Variants in MYH13 observed in about 807,000 individuals in gnomAD.
The protein encoded by MYH13 is myosin-13.
A neutral mutation model predicts 232.1 loss-of-function variants in MYH13; 177 were observed. That is an observed-to-expected ratio of 0.76 (90% CI 0.67 to 0.86). The LOEUF (loss-of-function observed/expected upper bound fraction) is 0.86. Ranked by LOEUF, MYH13 falls within the 40% of genes least tolerant of loss-of-function variation. The pLI, the probability that MYH13 is intolerant of heterozygous loss-of-function variation, is 0.00. For synonymous variants in MYH13, 884 were observed against 923.5 expected, an observed-to-expected ratio of 0.96 and a Z score of 0.78; for missense variants, 2,246 against 2,405.9, an observed-to-expected ratio of 0.93 and a Z score of 1.39.
chr17:10,312,164 AC>A, intron 31 of MYH13, 88 bp from the exon 32 acceptor site: 1 of 1,450,314 alleles, frequency 6.9e-7, no homozygotes, highest in African/African-American at 1.4e-5. Flanking sequence ...AGTAACACCA[AC>A]GTTTTGCCCT....
chr17:10,305,510 G>A (rs1906247785), intron 37 of MYH13, among the ~76,000 whole-genome samples: 1 of 152,172 alleles, frequency 6.6e-6, no homozygotes, highest in Admixed American at 6.5e-5. Context: ...GATATCCTCG[G>A]GTGGTTTGCA....
chr17:10,308,114 CAGG>C (rs1264514856), intron 35 of MYH13, among the ~76,000 whole-genome samples: 1 of 152,040 alleles, frequency 6.6e-6, no homozygotes, highest in Non-Finnish European at 1.5e-5. Context: ...CACCTGAAGT[CAGG>C]AGATCGAGAC....
In MYH13 at chr17:10,321,693, C is replaced by T. The variant is rs777672525; in HGVS notation, c.2950G>A (p.Glu984Lys). Residue 984 changes from glutamate (E) to lysine (K), a missense_variant, in exon 24 of 41, where the codon GAA becomes AAA. Coordinates refer to ENST00000252172, the MANE Select transcript of MYH13 (RefSeq NM_003802.3). ...TTTTCTTCAAGTGCTGTCATTTCTT[C>T]GGAAAGATTCTTTACCTGGGACAAT... is the stretch of plus-strand genomic sequence containing the variant. ...ATENKVKNLSEEMTALEENIS... is the reference protein window; with the variant it reads ...ATENKVKNLSKEMTALEENIS... 5.0e-5 allele frequency: 80 copies of T among 1,612,354 alleles called. No homozygotes were observed. Among genetic ancestry groups the T allele is most frequent in the South Asian group, 1.2e-4 (11 of 90,802 alleles).
rs1480305172 is a variant in MYH13 at position 10,364,241 on chromosome 17, A to C, written c.204+86T>G. 6.6e-6 allele frequency: 9 copies of C among 1,369,138 alleles called. No individual in the cohort carries two copies. The East Asian group carries it at 2.2e-4, about 33-fold the overall frequency. The allele number at this position is 1,369,138 out of a possible 1,614,324, so 84.8% of individuals were successfully genotyped here. A position where few individuals can be genotyped will look rare whatever the true frequency, so the allele number is the denominator to read the frequency against. ...GTTTTGTTCTGTCTTCAGATTCCGAAGGACCAGCATGCAATTTCTAATATT... is the reference window on the plus strand; with the variant it reads ...GTTTTGTTCTGTCTTCAGATTCCGACGGACCAGCATGCAATTTCTAATATT... On this transcript the variant is annotated intron_variant, in intron 3 of 40. Transcript: ENST00000252172.
intron 11 of MYH13, among the ~76,000 whole-genome samples, chr17:10,351,146 G>T (rs2071707394): frequency 1.3e-5 from 2 of 148,464 alleles, no homozygotes; most frequent in African/African-American, 4.9e-5. Flanking sequence ...ACTTGAACCT[G>T]GGAGGCGGAG....
intron 21 of MYH13, among the ~76,000 whole-genome samples, chr17:10,328,736 G>GGC (rs1907309997): frequency 1.4e-5 from 2 of 147,606 alleles, no homozygotes; most frequent in Non-Finnish European, 3.0e-5. Context: ...AGAGTGCAAT[G>GGC]GTGCAATCTC....
intron 5 of MYH13, among the ~76,000 whole-genome samples, chr17:10,361,322 G>A (rs577936713): frequency 7.1e-5 from 9 of 126,124 alleles, no homozygotes; most frequent in Admixed American, 4.2e-4. Context: ...ACGGAGTTTT[G>A]CTCTTTTTGC....
At chr17:10,344,547 G>A (rs117021162) in intron 15 of MYH13, among the ~76,000 whole-genome samples, 2,336 of 152,124 alleles carry the variant, frequency 0.015, 27 homozygotes, top group South Asian at 0.026. Context: ...GCCGGGCGTG[G>A]TGGTTCACGT....
chr17:10,331,288 C>T (rs1366162942), intron 20 of MYH13, among the ~76,000 whole-genome samples: 1 of 152,164 alleles, frequency 6.6e-6, no homozygotes, highest in African/African-American at 2.4e-5. Flanking sequence ...GGAAACTAAG[C>T]ACCCTCTGGG....
chr17:10,360,650 G>C lies in MYH13; in HGVS notation c.506-462C>G, dbSNP rs142712390. Reference sequence around the variant, plus strand: ...GGTTTTTCATTTACAATAGAGCATGGATTGAACTGTGTCCTCCTAAAATTC... The same window carrying C: ...GGTTTTTCATTTACAATAGAGCATGCATTGAACTGTGTCCTCCTAAAATTC... On this transcript the variant is annotated intron_variant, in intron 5 of 40. Coordinates refer to ENST00000252172, the MANE Select transcript of MYH13 (RefSeq NM_003802.3). Among the ~76,000 whole-genome samples the C allele has an allele frequency of 5.4e-3, 820 of 152,262 alleles. 6 individuals are homozygous for C. The highest frequency in any genetic ancestry group is 0.017 in the Middle Eastern group (5 of 292).
chr17:10,343,923 T>G lies in MYH13; in HGVS notation c.1771A>C (p.Asn591His), dbSNP rs2142258310. Residue 591 changes from asparagine (N) to histidine (H), a missense_variant, in exon 16 of 41, where the codon AAC (asparagine) becomes CAC (histidine). Coordinates refer to ENST00000252172, the MANE Select transcript of MYH13 (RefSeq NM_003802.3). ...TTTTTGTCCAGCCAGCCGGCGATGT[T>G]GTAGTCCACGGTGCCGGCATAGTGC... is the stretch of plus-strand genomic sequence containing the variant. Reference protein sequence around the residue: ...LVHYAGTVDYNIAGWLDKNKD... With the variant: ...LVHYAGTVDYHIAGWLDKNKD... 1 of 1,614,226 alleles carries G rather than the reference T, an allele frequency of 6.2e-7. No homozygotes were observed. Among genetic ancestry groups the G allele is most frequent in the Non-Finnish European group, 8.5e-7 (1 of 1,180,038 alleles).
intron 7 of MYH13, among the ~76,000 whole-genome samples, chr17:10,358,653 A>G (rs2071767765): frequency 6.6e-6 from 1 of 152,118 alleles, no homozygotes; most frequent in Non-Finnish European, 1.5e-5. Flanking sequence ...GCTACTTGGA[A>G]GGCTGAAGGA....
At position 10,333,219 on chromosome 17, in the gene MYH13, C is replaced by T. The variant is rs1391831340; in HGVS notation, c.2057-28G>A. The T allele has an allele frequency of 7.6e-6, 11 of 1,442,278 alleles. No homozygotes were observed. The Admixed American group carries it at 1.6e-4, about 21-fold the overall frequency. The allele number at this position is 1,442,278 out of a possible 1,614,324, so 89.3% of individuals were successfully genotyped here. A position where few individuals can be genotyped will look rare whatever the true frequency, so the allele number is the denominator to read the frequency against. The stretch of plus-strand genomic sequence containing the variant: ...GGAGAGAGAACGTCCCGGGGGTGTG[C>T]CTGTGACCCCTTCATTTGTTGTTGA... On this transcript the variant is annotated intron_variant, in intron 18 of 40. Coordinates refer to ENST00000252172, the MANE Select transcript of MYH13 (RefSeq NM_003802.3).
intron 11 of MYH13, among the ~76,000 whole-genome samples, chr17:10,353,522 C>T (rs2071725790): frequency 6.6e-6 from 1 of 152,046 alleles, no homozygotes; most frequent in Non-Finnish European, 1.5e-5. Context: ...AGACGGTATA[C>T]TTTAATTAAA....
rs34042358 is a variant in MYH13, at chr17:10,364,519, G to C, written c.12C>G (p.Asp4Glu). ...CTTCTCCAAAAATGGCCATTTCTGCGTCAGAGCTCATGACTGCAGAGGGCT... is the reference window on the plus strand; with the variant it reads ...CTTCTCCAAAAATGGCCATTTCTGCCTCAGAGCTCATGACTGCAGAGGGCT... MSS[D>E]AEMAIFGEAA... Residue 4 changes from aspartate to glutamate, a missense_variant, in exon 3 of 41, where the codon GAC becomes GAG. Physicochemically the swap from Asp to Glu is conservative, Grantham distance 45. Transcript: ENST00000252172. 557 of 1,595,030 alleles carry C rather than the reference G, an allele frequency of 3.5e-4. No individual in the cohort carries two copies. The African/African-American group carries it at 6.8e-3, about 20-fold the overall frequency.
intron 20 of MYH13, 114 bp from the exon 21 acceptor site, chr17:10,330,637 G>C (rs1907380641): frequency 1.4e-6 from 2 of 1,395,450 alleles, no homozygotes; most frequent in African/African-American, 1.5e-5. Flanking sequence ...AGCACGGCAG[G>C]GGCAGCAATT....
chr17:10,325,563 C>A (rs113066912), intron 22 of MYH13, among the ~76,000 whole-genome samples: 1 of 152,220 alleles, frequency 6.6e-6, no homozygotes, highest in Non-Finnish European at 1.5e-5. Flanking sequence ...CCCAAGAATT[C>A]GTGATTGAAT....
chr17:10,310,727 G>A (rs1906481520), intron 33 of MYH13, among the ~76,000 whole-genome samples: 1 of 152,176 alleles, frequency 6.6e-6, no homozygotes, highest in Non-Finnish European at 1.5e-5. Flanking sequence ...ACTGCATCGG[G>A]AGATGCTGGG....
intron 11 of MYH13, among the ~76,000 whole-genome samples, chr17:10,351,354 G>T (rs1447959387): frequency 1.3e-5 from 2 of 152,118 alleles, no homozygotes; most frequent in Non-Finnish European, 2.9e-5. Context: ...AGAATGACTG[G>T]GAAATAATGT....
Sources: gnomAD v4.1 joint callset for allele counts (sites outside exome capture counted in the v4.1 genomes callset) on GRCh38, gnomAD v4.1.1 for gene constraint, MANE v1.5 for transcripts, NCBI Gene and HGNC (gene_info 2026-07-23, HGNC 2026-07-21) for gene names.